FER1L6: variants seen among roughly 807,000 people sequenced by gnomAD.
The protein encoded by FER1L6 is fer-1-like protein 6.
A neutral mutation model predicts 219.2 loss-of-function variants in FER1L6; 177 were observed. The observed-to-expected ratio is 0.81, with a 90% CI of 0.71 to 0.91. The LOEUF (loss-of-function observed/expected upper bound fraction) is 0.91, where lower values mean the gene tolerates loss of function less well. Ranked by LOEUF, FER1L6 falls within the 40% of genes least tolerant of loss-of-function variation. The probability of loss-of-function intolerance (pLI) is 0.00; values close to 1 mark genes in which losing one functional copy is unlikely to be tolerated. For synonymous variants in FER1L6, 768 were observed against 824.3 expected, an observed-to-expected ratio of 0.93 and a Z score of 1.17; for missense variants, 2,153 against 2,259.9, an observed-to-expected ratio of 0.95 and a Z score of 0.96.
rs373708964 is a variant in FER1L6 at position 124,082,476 on chromosome 8, G to A, written c.4391+18G>A. ...TATGAGATGTAAGTTCTTTCTCCCC[G>A]GGAGACACTTGGTATTCTGAAGCTG... On this transcript the variant is annotated intron_variant, in intron 33 of 40. Transcript: ENST00000522917. 89 of 1,609,412 alleles carry A rather than the reference G, an allele frequency of 5.5e-5. No homozygotes were observed. The highest frequency in any genetic ancestry group is 3.3e-4 in the East Asian group (15 of 44,816).
chr8:123,942,567 C>T (rs1279828629), intron 1 of FER1L6, among the ~76,000 whole-genome samples: 1 of 152,142 alleles, frequency 6.6e-6, no homozygotes, highest in Non-Finnish European at 1.5e-5. Context: ...AGAATCCTTC[C>T]TTGGCTCTTC....
chr8:124,070,413 A>G, intron 29 of FER1L6, 54 bp from the exon 30 acceptor site: 1 of 1,596,122 alleles, frequency 6.3e-7, no homozygotes. Context: ...TTCTCATTAA[A>G]TCAATCCTGG....
At chr8:123,981,773 C>T (rs1390121613) in intron 11 of FER1L6, among the ~76,000 whole-genome samples, 1 of 152,120 alleles carries the variant, frequency 6.6e-6, no homozygotes, top group Non-Finnish European at 1.5e-5. Flanking sequence ...ACTAACACCT[C>T]TCTGTGTTTT....
chr8:123,970,106 A>G lies in FER1L6; in HGVS notation c.447+9A>G. ...AGATCATCAAAATCTCCGTAAGTAT[A>G]GCATTGGTGGTAATAGTTGTGGAGA... is the stretch of plus-strand genomic sequence containing the variant. On this transcript the variant is annotated intron_variant, in intron 6 of 40. Transcript: ENST00000522917. 1 of 1,613,000 alleles carries G rather than the reference A, an allele frequency of 6.2e-7. No individual in the cohort carries two copies. The highest frequency in any genetic ancestry group is 8.5e-7 in the Non-Finnish European group (1 of 1,179,010).
At chr8:124,082,142 C>G (rs770085992) in intron 32 of FER1L6, 146 bp from the exon 33 acceptor site, 11 of 529,744 alleles carry the variant, frequency 2.1e-5, no homozygotes, top group Non-Finnish European at 2.9e-5. Context: ...AAAATTAAAC[C>G]AAACAAATAT....
chr8:124,025,718 G>A (rs192399183), intron 18 of FER1L6, among the ~76,000 whole-genome samples: 35 of 152,204 alleles, frequency 2.3e-4, no homozygotes, highest in East Asian at 5.8e-4. Context: ...AAAAAATGAC[G>A]TTGGTATTTT....
At chr8:123,987,470 A>T (rs968823087) in intron 12 of FER1L6, among the ~76,000 whole-genome samples, 3 of 151,906 alleles carry the variant, frequency 2.0e-5, no homozygotes, top group African/African-American at 7.2e-5. Context: ...TGTTCTGTGG[A>T]TTGTCTCCTC....
intron 28 of FER1L6, 90 bp from the exon 29 acceptor site, chr8:124,069,270 A>T (rs746925190): frequency 2.1e-6 from 2 of 960,354 alleles, no homozygotes; most frequent in Non-Finnish European, 3.3e-6. Flanking sequence ...ACAACATAGG[A>T]CATGTCAGCA....
intron 3 of FER1L6, 140 bp downstream of exon 3, chr8:123,963,538 CTG>C: frequency 1.1e-6 from 1 of 876,868 alleles, no homozygotes; most frequent in Non-Finnish European, 1.7e-6. Context: ...GGCAGGAAGA[CTG>C]TGTCAGCTCA....
At chr8:123,854,983 C>T (rs1164222903) in intron 1 of FER1L6, among the ~76,000 whole-genome samples, 1 of 152,228 alleles carries the variant, frequency 6.6e-6, no homozygotes, top group Middle Eastern at 3.2e-3. Flanking sequence ...GGCTTACAAT[C>T]ATCACCTCTA....
At chr8:123,947,936 A>T (rs1309377870) in intron 1 of FER1L6, among the ~76,000 whole-genome samples, 2 of 152,194 alleles carry the variant, frequency 1.3e-5, no homozygotes, top group Non-Finnish European at 2.9e-5. Flanking sequence ...ACGGTGAGCA[A>T]TGGTTCGTGG....
chr8:123,918,370 A>G (rs2129812140), intron 1 of FER1L6, among the ~76,000 whole-genome samples: 1 of 152,130 alleles, frequency 6.6e-6, no homozygotes, highest in Admixed American at 6.5e-5. Flanking sequence ...CATTGTGTGT[A>G]CAAAATTTAT....
intron 1 of FER1L6, among the ~76,000 whole-genome samples, chr8:123,890,352 G>C (rs967166896): frequency 6.6e-6 from 1 of 151,978 alleles, no homozygotes; most frequent in African/African-American, 2.4e-5. Context: ...AGTTGACTGA[G>C]TAGGAGAAAA....
intron 12 of FER1L6, 96 bp from the exon 13 acceptor site, chr8:124,003,071 T>G (rs1377942825): frequency 1.0e-5 from 10 of 994,088 alleles, no homozygotes. Context: ...CTTACCTTAT[T>G]GCTGTGGGAG....
intron 20 of FER1L6, chr8:124,040,555 C>T (rs940627048): frequency 1.2e-5 from 2 of 161,248 alleles, no homozygotes; most frequent in Non-Finnish European, 2.8e-5. Context: ...TTGTCTTAAT[C>T]CATTTAGCAT....
At chr8:124,007,719 T>C (rs539017438) in intron 13 of FER1L6, among the ~76,000 whole-genome samples, 1 of 152,264 alleles carries the variant, frequency 6.6e-6, no homozygotes, top group African/African-American at 2.4e-5. Context: ...GCAGGTAACC[T>C]ACTAGCATTA....
At chr8:123,931,683 C>A (rs1343420010) in intron 1 of FER1L6, among the ~76,000 whole-genome samples, 1 of 152,164 alleles carries the variant, frequency 6.6e-6, no homozygotes. Flanking sequence ...TCTTCCATCC[C>A]CAATTTCTCT....
rs1821074858 is a variant in FER1L6, at chr8:124,071,598, T to C, written c.4059T>C (p.Pro1353=). The C allele has an allele frequency of 6.2e-7, 1 of 1,614,116 alleles. No individual in the cohort carries two copies. The highest frequency in any genetic ancestry group is 8.5e-7 in the Non-Finnish European group (1 of 1,179,984). ...AGCAAGGGATTCCGCCCAATCACCC[T>C]GTCACAGTGCTGATCAGAGTATACA... ...RIQQGIPPNH[P]VTVLIRVYIV... The change falls in exon 31 of 41, where the codon CCT becomes CCC. Residue 1353 remains proline, a synonymous_variant. Transcript: ENST00000522917.
At chr8:124,041,729 A>G (rs1405895807) in intron 20 of FER1L6, among the ~76,000 whole-genome samples, 2 of 152,246 alleles carry the variant, frequency 1.3e-5, no homozygotes, top group Non-Finnish European at 2.9e-5. Context: ...ATCCTCATTC[A>G]GTGACTGAGC....
Sources: gnomAD v4.1 joint callset for allele counts (sites outside exome capture counted in the v4.1 genomes callset) on GRCh38, gnomAD v4.1.1 for gene constraint, MANE v1.5 for transcripts, NCBI Gene and HGNC (gene_info 2026-07-23, HGNC 2026-07-21) for gene names.